Variants in GDAP1 observed in about 807,000 individuals in gnomAD.
The protein encoded by GDAP1 is ganglioside-induced differentiation-associated protein 1.
In GDAP1, 34 loss-of-function variants were observed where a neutral mutation model predicts 40.1. The observed-to-expected ratio is 0.85, with a 90% CI of 0.64 to 1.13. GDAP1 has a LOEUF of 1.13. Ranked by LOEUF, GDAP1 falls within the 50% of genes most tolerant of loss-of-function variation. The pLI is 0.00. For missense variants in GDAP1, 374 were observed against 433.7 expected (o/e 0.86, Z 1.22); for synonymous variants, 170 against 157.4 (o/e 1.08, Z -0.60).
chr8:74,396,625 G>A (rs898960841), intron 2 of GDAP1, among the ~76,000 whole-genome samples: 9 of 151,858 alleles, frequency 5.9e-5, no homozygotes, highest in Middle Eastern at 3.4e-3. Flanking sequence ...TTGTCCTTGC[G>A]ATAGTTTACT....
chr8:74,396,323 TA>T (rs1311823975), intron 2 of GDAP1, among the ~76,000 whole-genome samples: 74 of 151,802 alleles, frequency 4.9e-4, no homozygotes, highest in Non-Finnish European at 8.5e-4. Context: ...TTTATTTATT[TA>T]TTTTTTTTAC....
At chr8:74,426,570 C>G (rs1805950270) in intron 2 of GDAP1, among the ~76,000 whole-genome samples, 1 of 152,104 alleles carries the variant, frequency 6.6e-6, no homozygotes, top group Admixed American at 6.6e-5. Context: ...CGTTACTTTT[C>G]TTGAATACTG....
At chr8:74,397,282 A>C (rs1218952983) in intron 2 of GDAP1, among the ~76,000 whole-genome samples, 1 of 151,768 alleles carries the variant, frequency 6.6e-6, no homozygotes, top group Non-Finnish European at 1.5e-5. Context: ...GTAGGTTGCA[A>C]AAATTTTCTC....
intron 2 of GDAP1, among the ~76,000 whole-genome samples, chr8:74,401,927 A>C (rs1045916849): frequency 2.0e-5 from 3 of 149,972 alleles, no homozygotes; most frequent in Non-Finnish European, 1.5e-5. Context: ...TTTGTCTCAG[A>C]GGAGTACCCG....
chr8:74,372,103 A>C (rs1809764587), intron 2 of GDAP1, among the ~76,000 whole-genome samples: 1 of 152,050 alleles, frequency 6.6e-6, no homozygotes, highest in African/African-American at 2.4e-5. Flanking sequence ...TGAACTCATC[A>C]TTTTTTATGG....
At chr8:74,368,277 C>G (rs4373510), downstream of GDAP1, among the ~76,000 whole-genome samples, 1 of 152,194 alleles carries the variant, frequency 6.6e-6, no homozygotes, top group Non-Finnish European at 1.5e-5. Context: ...TGTATAAGTA[C>G]AGCTTTTGGT....
intron 2 of GDAP1, among the ~76,000 whole-genome samples, chr8:74,400,147 G>T (rs1810297522): frequency 6.7e-6 from 1 of 149,516 alleles, no homozygotes; most frequent in South Asian, 2.1e-4. Context: ...GTTGACCGTG[G>T]GGTGTTAAAG....
At chr8:74,468,714 T>C (rs1586844247) in intron 2 of GDAP1, among the ~76,000 whole-genome samples, 1 of 152,224 alleles carries the variant, frequency 6.6e-6, no homozygotes. Flanking sequence ...GATGCTCTTA[T>C]ATTCCAAGAT....
chr8:74,484,469 C>T (rs1327333974), intron 2 of GDAP1, among the ~76,000 whole-genome samples: 1 of 152,148 alleles, frequency 6.6e-6, no homozygotes. Flanking sequence ...AACTAAACAT[C>T]ACAGAACACA....
intron 2 of GDAP1, among the ~76,000 whole-genome samples, chr8:74,468,300 T>C (rs923943611): frequency 2.6e-5 from 4 of 152,090 alleles, no homozygotes; most frequent in East Asian, 1.9e-4. Context: ...AAACTATTAG[T>C]ATTTTTAATT....
chr8:74,465,889 G>T (rs929831322), intron 2 of GDAP1, among the ~76,000 whole-genome samples: 3 of 151,904 alleles, frequency 2.0e-5, no homozygotes, highest in Non-Finnish European at 4.4e-5. Context: ...TATGAGCAGA[G>T]AACTTGGTAT....
chr8:74,476,093 G>A (rs1481850545), intron 2 of GDAP1, among the ~76,000 whole-genome samples: 1 of 152,090 alleles, frequency 6.6e-6, no homozygotes, highest in African/African-American at 2.4e-5. Flanking sequence ...TCTGAAATTA[G>A]GATTGCAACC....
rs569810090 is a variant in GDAP1, at chr8:74,415,618, C to T, written c.165+64297C>T. 4.7e-5 allele frequency among the ~76,000 whole-genome samples: 7 copies of T among 150,134 alleles called. No individual in the cohort carries two copies. In the East Asian group the frequency reaches 1.4e-3, roughly 29 times the overall value. ...CTGGGCAACCTGGCAGTCCAGGCCT[C>T]AGGAAAAAGCCTTATCCCTGCCCAG... On this transcript the variant is annotated intron_variant, in intron 2 of 2. Transcript: ENST00000523640.
intron 2 of GDAP1, among the ~76,000 whole-genome samples, chr8:74,374,710 A>C (rs1471461873): frequency 6.6e-6 from 1 of 152,210 alleles, no homozygotes; most frequent in Non-Finnish European, 1.5e-5. Context: ...AATTAAAAAT[A>C]TTAGGAACAA....
chr8:74,422,861 A>G (rs1370058915), intron 2 of GDAP1, among the ~76,000 whole-genome samples: 1 of 151,564 alleles, frequency 6.6e-6, no homozygotes, highest in African/African-American at 2.4e-5. Context: ...TGCAAGTGTC[A>G]CAAAAGACAG....
At chr8:74,377,672 TAAA>T (rs1318491918) in intron 2 of GDAP1, among the ~76,000 whole-genome samples, 3 of 152,236 alleles carry the variant, frequency 2.0e-5, no homozygotes, top group Non-Finnish European at 2.9e-5. Flanking sequence ...ATAATTTACT[TAAA>T]GAAGATAAAT....
intron 2 of GDAP1, among the ~76,000 whole-genome samples, chr8:74,400,961 C>T (rs1016112392): frequency 2.7e-5 from 4 of 149,960 alleles, no homozygotes; most frequent in African/African-American, 1.0e-4. Context: ...GGTAACCTGA[C>T]CTTTCTCTCT....
At chr8:74,381,062 G>T (rs1046852361) in intron 2 of GDAP1, among the ~76,000 whole-genome samples, 1 of 143,218 alleles carries the variant, frequency 7.0e-6, no homozygotes, top group South Asian at 2.3e-4. Context: ...GAAGAAATGT[G>T]GGGGTGAGGG....
intron 2 of GDAP1, among the ~76,000 whole-genome samples, chr8:74,353,315 T>A (rs187456822): frequency 3.7e-4 from 57 of 152,312 alleles, no homozygotes; most frequent in African/African-American, 1.3e-3. Flanking sequence ...TAGCTTTTAG[T>A]CTGATGCTGC....
Sources: gnomAD v4.1 joint callset for allele counts (sites outside exome capture counted in the v4.1 genomes callset) on GRCh38, gnomAD v4.1.1 for gene constraint, MANE v1.5 for transcripts, NCBI Gene and HGNC (gene_info 2026-07-23, HGNC 2026-07-21) for gene names.